CPQ: variants seen among roughly 807,000 people sequenced by gnomAD.
CPQ encodes Ser-Met dipeptidase.
In CPQ, 37 loss-of-function variants were observed where a neutral mutation model predicts 45.7. The ratio of observed to expected loss-of-function variants is 0.81; its 90% CI spans 0.62 to 1.07. The LOEUF (loss-of-function observed/expected upper bound fraction) is 1.07, where lower values mean the gene tolerates loss of function less well. CPQ is among the 50% of genes least tolerant of loss of function. The pLI is 0.00. For synonymous variants in CPQ, 186 were observed against 205.8 expected (o/e 0.90, Z 0.82); for missense variants, 537 against 572.9 (o/e 0.94, Z 0.64).
intron 1 of CPQ, among the ~76,000 whole-genome samples, chr8:96,771,571 C>G (rs953946682): frequency 6.6e-6 from 1 of 151,976 alleles, no homozygotes; most frequent in Non-Finnish European, 1.5e-5. Context: ...GCTTACTTTG[C>G]AGGGTAGTAT....
chr8:97,091,873 T>G (rs1811132320), intron 7 of CPQ, among the ~76,000 whole-genome samples: 1 of 151,696 alleles, frequency 6.6e-6, no homozygotes, highest in African/African-American at 2.4e-5. Context: ...GATGGATGGA[T>G]GGATGGATGG....
At chr8:97,013,751 C>T (rs992935609) in intron 5 of CPQ, among the ~76,000 whole-genome samples, 4 of 152,012 alleles carry the variant, frequency 2.6e-5, no homozygotes, top group Non-Finnish European at 5.9e-5. Context: ...GGAGGCAGAT[C>T]GGAATCTATC....
At chr8:96,701,888 C>T (rs946531150) in intron 1 of CPQ, among the ~76,000 whole-genome samples, 2 of 152,170 alleles carry the variant, frequency 1.3e-5, no homozygotes, top group Admixed American at 1.3e-4. Context: ...TCTCACTCAT[C>T]CCTTCTACTA....
At chr8:96,745,638 A>G (rs941479212) in intron 1 of CPQ, among the ~76,000 whole-genome samples, 1 of 152,224 alleles carries the variant, frequency 6.6e-6, no homozygotes, top group Non-Finnish European at 1.5e-5. Context: ...TTGAAGTCAA[A>G]CAACTAGTAA....
intron 7 of CPQ, among the ~76,000 whole-genome samples, chr8:97,113,966 A>C (rs1043930483): frequency 2.6e-5 from 4 of 152,202 alleles, no homozygotes; most frequent in Non-Finnish European, 5.9e-5. Context: ...GTGCACAGCC[A>C]AGAAAACTCT....
At chr8:96,900,249 G>GCCC (rs1416729883) in intron 4 of CPQ, among the ~76,000 whole-genome samples, 1 of 152,138 alleles carries the variant, frequency 6.6e-6, no homozygotes, top group Non-Finnish European at 1.5e-5. Flanking sequence ...AGTTAACAAT[G>GCCC]CCCCCACTAA....
At chr8:97,136,364 A>C (rs1485986432) in intron 7 of CPQ, among the ~76,000 whole-genome samples, 1 of 152,244 alleles carries the variant, frequency 6.6e-6, no homozygotes, top group Non-Finnish European at 1.5e-5. Flanking sequence ...TGAATTGATC[A>C]TGATACTGTT....
At chr8:97,000,167 T>C (rs1459765848) in intron 5 of CPQ, among the ~76,000 whole-genome samples, 5 of 152,084 alleles carry the variant, frequency 3.3e-5, no homozygotes, top group African/African-American at 9.7e-5. Context: ...TTTGCAAAAA[T>C]TTTCTCCCAT....
chr8:96,667,724 A>G (rs2130717636), intron 1 of CPQ, among the ~76,000 whole-genome samples: 1 of 152,022 alleles, frequency 6.6e-6, no homozygotes, highest in South Asian at 2.1e-4. Context: ...ATCTTTCTAT[A>G]TTGTTCCCAA....
At chr8:97,013,417 AAT>A (rs1233418343) in intron 5 of CPQ, among the ~76,000 whole-genome samples, 1 of 152,212 alleles carries the variant, frequency 6.6e-6, no homozygotes, top group Non-Finnish European at 1.5e-5. Flanking sequence ...TACACGTGGT[AAT>A]ACATACATTA....
chr8:97,095,707 C>T (rs1811200390), intron 7 of CPQ, among the ~76,000 whole-genome samples: 1 of 152,174 alleles, frequency 6.6e-6, no homozygotes, highest in East Asian at 1.9e-4. Flanking sequence ...ATTTCATATG[C>T]TATTATTCCC....
chr8:96,740,674 G>A (rs1300670400), intron 1 of CPQ, among the ~76,000 whole-genome samples: 2 of 151,386 alleles, frequency 1.3e-5, no homozygotes, highest in East Asian at 1.9e-4. Flanking sequence ...TAGCATGAAG[G>A]GTTGTTGAAT....
At chr8:97,008,079 G>A (rs777271998) in intron 5 of CPQ, among the ~76,000 whole-genome samples, 11 of 152,008 alleles carry the variant, frequency 7.2e-5, no homozygotes, top group South Asian at 2.1e-4. Flanking sequence ...CTGAACTATC[G>A]CCTCTTGTTT....
At chr8:96,900,729 G>A (rs1465018756) in intron 4 of CPQ, among the ~76,000 whole-genome samples, 1 of 152,076 alleles carries the variant, frequency 6.6e-6, no homozygotes, top group African/African-American at 2.4e-5. Context: ...AGGTTGGACG[G>A]GAACTTAATA....
chr8:97,121,535 A>G (rs1237897630), intron 7 of CPQ, among the ~76,000 whole-genome samples: 1 of 152,242 alleles, frequency 6.6e-6, no homozygotes, highest in Non-Finnish European at 1.5e-5. Context: ...AGAGCTGCCA[A>G]AACAATAGCC....
chr8:96,882,044 T>C (rs116872427), intron 4 of CPQ, among the ~76,000 whole-genome samples: 4,845 of 152,298 alleles, frequency 0.032, 123 homozygotes, highest in Non-Finnish European at 0.051. Flanking sequence ...CATTTGGTGA[T>C]GGAGAAACAA....
At chr8:97,141,705 A>G (rs1309231084) in intron 7 of CPQ, among the ~76,000 whole-genome samples, 1 of 152,218 alleles carries the variant, frequency 6.6e-6, no homozygotes, top group Non-Finnish European at 1.5e-5. Flanking sequence ...CACGTAATAG[A>G]AAACTGGAAA....
intron 2 of CPQ, among the ~76,000 whole-genome samples, chr8:96,798,657 CA>C (rs1810966973): frequency 6.6e-6 from 1 of 151,908 alleles, no homozygotes; most frequent in African/African-American, 2.4e-5. Flanking sequence ...GACCTTAACC[CA>C]ACTCAACCCC....
chr8:96,800,610 G>A (rs1031878629), intron 2 of CPQ, among the ~76,000 whole-genome samples: 2 of 152,046 alleles, frequency 1.3e-5, no homozygotes, highest in East Asian at 1.9e-4. Flanking sequence ...TGGCCCCAGG[G>A]ACTATGACAA....
Sources: gnomAD v4.1 joint callset for allele counts (sites outside exome capture counted in the v4.1 genomes callset) on GRCh38, gnomAD v4.1.1 for gene constraint, MANE v1.5 for transcripts, NCBI Gene and HGNC (gene_info 2026-07-23, HGNC 2026-07-21) for gene names.